CCSER1: variants seen among roughly 807,000 people sequenced by gnomAD.
CCSER1 encodes the protein coiled-coil serine rich protein 1, also known as serine-rich coiled-coil domain-containing protein 1.
In CCSER1, 41 loss-of-function variants were observed where a neutral mutation model predicts 82.0. The observed-to-expected ratio is 0.50, with a 90% CI of 0.39 to 0.65. CCSER1 has a LOEUF of 0.65. Among genes scored for constraint, CCSER1 ranks in the 30% least tolerant of loss-of-function variants. The pLI is 0.00. For synonymous variants in CCSER1, 414 were observed against 383.9 expected, an observed-to-expected ratio of 1.08 and a Z score of -0.92; for missense variants, 1,119 against 1,064.2, an observed-to-expected ratio of 1.05 and a Z score of -0.72.
intron 5 of CCSER1, among the ~76,000 whole-genome samples, chr4:90,487,465 A>G (rs1226974988): frequency 6.6e-6 from 1 of 152,190 alleles, no homozygotes; most frequent in Non-Finnish European, 1.5e-5. Context: ...ATTCCTTTCT[A>G]TCATATACTT....
chr4:91,293,050 GT>G (rs1284947652), intron 10 of CCSER1, among the ~76,000 whole-genome samples: 1 of 151,914 alleles, frequency 6.6e-6, no homozygotes, highest in Non-Finnish European at 1.5e-5. Flanking sequence ...ACATGAACTT[GT>G]TTAGATAAGC....
chr4:91,273,863 T>C (rs1560558778), intron 10 of CCSER1, among the ~76,000 whole-genome samples: 1 of 152,188 alleles, frequency 6.6e-6, no homozygotes, highest in Non-Finnish European at 1.5e-5. Flanking sequence ...GAGATGATCA[T>C]GTGATTTTTG....
At position 90,309,394 on chromosome 4, in the gene CCSER1, T is replaced by C. The variant is rs753182092; in HGVS notation, c.1110T>C (p.Asp370=). The change falls in exon 2 of 11, where the codon GAT becomes GAC. Residue 370 remains aspartate (D), a synonymous_variant. Transcript: ENST00000509176. ...ACTCAGAGAGTAACCTACCAGCAGA[T>C]AGTGAAAGAGAAGAAAATATAGGGT... ...VSHSESNLPA[D]SEREENIGLQ... is the part of the protein sequence containing the mutation. 6.2e-6 allele frequency: 10 copies of C among 1,613,730 alleles called. No individual in the cohort carries two copies. In the South Asian group the frequency reaches 8.8e-5, roughly 14 times the overall value.
intron 10 of CCSER1, among the ~76,000 whole-genome samples, chr4:91,440,996 AG>A (rs1261456233): frequency 1.3e-5 from 2 of 151,940 alleles, no homozygotes; most frequent in Non-Finnish European, 2.9e-5. Flanking sequence ...CCAACCAAAA[AG>A]AGTCCAGGAC....
chr4:91,100,719 G>A (rs1159581951), intron 10 of CCSER1, among the ~76,000 whole-genome samples: 2 of 152,152 alleles, frequency 1.3e-5, no homozygotes, highest in Admixed American at 6.6e-5. Context: ...TATAGGTTTT[G>A]TAAGCTGTTT....
At chr4:91,154,237 C>T (rs1730567164) in intron 10 of CCSER1, among the ~76,000 whole-genome samples, 1 of 152,066 alleles carries the variant, frequency 6.6e-6, no homozygotes, top group African/African-American at 2.4e-5. Flanking sequence ...AGCCTTGCTG[C>T]CACCTTGCAG....
chr4:91,033,684 G>A (rs982574295), intron 9 of CCSER1, among the ~76,000 whole-genome samples: 18 of 152,142 alleles, frequency 1.2e-4, no homozygotes, highest in African/African-American at 2.9e-4. Flanking sequence ...CTAGCAGCAC[G>A]GAGATGAGAT....
At chr4:91,046,728 C>G (rs1036933824) in intron 9 of CCSER1, among the ~76,000 whole-genome samples, 46 of 149,924 alleles carry the variant, frequency 3.1e-4, no homozygotes, top group Non-Finnish European at 4.5e-5. Flanking sequence ...GTTTTGGGAG[C>G]TTTTTTTTTA....
intron 10 of CCSER1, among the ~76,000 whole-genome samples, chr4:91,484,524 T>G (rs1247792998): frequency 1.3e-5 from 2 of 152,212 alleles, no homozygotes; most frequent in Non-Finnish European, 2.9e-5. Flanking sequence ...ACAATTTCTA[T>G]ATAATATTTA....
chr4:90,773,534 ACT>A, intron 7 of CCSER1, among the ~76,000 whole-genome samples: 1 of 152,238 alleles, frequency 6.6e-6, no homozygotes, highest in Admixed American at 6.5e-5. Context: ...TAATAAGACT[ACT>A]CAGGAATAAA....
chr4:91,152,813 A>C (rs1435861739), intron 10 of CCSER1, among the ~76,000 whole-genome samples: 3 of 149,262 alleles, frequency 2.0e-5, no homozygotes, highest in Non-Finnish European at 4.6e-5. Context: ...TCTGAGTTGA[A>C]GATTCTTTTC....
intron 7 of CCSER1, among the ~76,000 whole-genome samples, chr4:90,814,795 C>T (rs769184903): frequency 1.3e-5 from 2 of 152,196 alleles, no homozygotes; most frequent in African/African-American, 2.4e-5. Flanking sequence ...GAGACTACCT[C>T]AGCCTGGACT....
intron 10 of CCSER1, among the ~76,000 whole-genome samples, chr4:91,314,741 A>G (rs1578177873): frequency 6.6e-6 from 1 of 151,986 alleles, no homozygotes; most frequent in East Asian, 1.9e-4. Context: ...CTGGGTTGTT[A>G]TCTTTTTTAA....
At position 91,369,503 on chromosome 4, in the gene CCSER1, C is replaced by T. The variant is rs74859105; in HGVS notation, c.2218-229069C>T. Among the ~76,000 whole-genome samples the T allele has an allele frequency of 6.1e-3, 934 of 152,144 alleles. 14 individuals carry two copies. The highest frequency in any genetic ancestry group is 0.021 in the African/African-American group (872 of 41,520). ...GTTCCAGATTTTAAGATTTTTCAAGCTCTTTACATCTCACTTTACTATATG... is the reference window on the plus strand; with the variant it reads ...GTTCCAGATTTTAAGATTTTTCAAGTTCTTTACATCTCACTTTACTATATG... On this transcript the variant is annotated intron_variant, in intron 10 of 10. Transcript: ENST00000509176.
At chr4:90,992,964 A>G (rs935201768) in intron 9 of CCSER1, among the ~76,000 whole-genome samples, 2 of 152,044 alleles carry the variant, frequency 1.3e-5, no homozygotes, top group Non-Finnish European at 2.9e-5. Flanking sequence ...ACACACCGGC[A>G]TGAACAACTG....
chr4:90,856,965 G>A (rs138800904), intron 8 of CCSER1, among the ~76,000 whole-genome samples: 60 of 150,232 alleles, frequency 4.0e-4, no homozygotes, highest in African/African-American at 1.4e-3. Flanking sequence ...ACAATGTTTT[G>A]GTCTTAGACT....
chr4:90,278,812 T>G (rs1028056010), intron 1 of CCSER1, among the ~76,000 whole-genome samples: 5 of 152,048 alleles, frequency 3.3e-5, no homozygotes, highest in Admixed American at 3.3e-4. Flanking sequence ...CCTGCACATA[T>G]ACCCCCTGAT....
chr4:91,169,957 T>A (rs1204552933), intron 10 of CCSER1, among the ~76,000 whole-genome samples: 2 of 152,184 alleles, frequency 1.3e-5, no homozygotes, highest in Non-Finnish European at 2.9e-5. Context: ...CCCACTGTTG[T>A]AGTCACTATG....
At chr4:91,250,056 C>T (rs1740136088) in intron 10 of CCSER1, among the ~76,000 whole-genome samples, 1 of 151,232 alleles carries the variant, frequency 6.6e-6, no homozygotes, top group Non-Finnish European at 1.5e-5. Context: ...TTCTTTAGGA[C>T]TATGATTTCC....
Sources: allele counts gnomAD v4.1 joint callset (sites outside exome capture counted in the v4.1 genomes callset), GRCh38; gene constraint gnomAD v4.1.1; transcripts MANE v1.5; gene names NCBI Gene and HGNC (gene_info 2026-07-23, HGNC 2026-07-21).